KDM4C: variants seen among roughly 807,000 people sequenced by gnomAD.
KDM4C encodes the protein lysine-specific demethylase 4C.
A neutral mutation model predicts 129.3 loss-of-function variants in KDM4C; 81 were observed. The ratio of observed to expected loss-of-function variants is 0.63; its 90% CI spans 0.52 to 0.75. KDM4C has a LOEUF of 0.75. Ranked by LOEUF, KDM4C falls within the 30% of genes least tolerant of loss-of-function variation. The probability of loss-of-function intolerance (pLI) is 0.00; values close to 1 mark genes in which losing one functional copy is unlikely to be tolerated. For missense variants in KDM4C, 1,457 were observed against 1,304.0 expected, an observed-to-expected ratio of 1.12 and a Z score of -1.81; for synonymous variants, 573 against 456.1, an observed-to-expected ratio of 1.26 and a Z score of -3.26.
intron 6 of KDM4C, among the ~76,000 whole-genome samples, chr9:6,885,885 A>G (rs1437544527): frequency 1.8e-4 from 27 of 152,202 alleles, no homozygotes; most frequent in Admixed American, 1.7e-3. Context: ...ACCTTCCTTC[A>G]GTGGTTTTCC....
intron 19 of KDM4C, among the ~76,000 whole-genome samples, chr9:7,158,969 G>T (rs1587925614): frequency 6.6e-6 from 1 of 152,100 alleles, no homozygotes; most frequent in African/African-American, 2.4e-5. Flanking sequence ...TTATTGTGTG[G>T]GAGTCTAAGT....
At chr9:7,173,907 C>G (rs1845200753) in intron 21 of KDM4C, among the ~76,000 whole-genome samples, 1 of 152,134 alleles carries the variant, frequency 6.6e-6, no homozygotes, top group Non-Finnish European at 1.5e-5. Flanking sequence ...GGTGTGGGCA[C>G]AAAGGCCCAG....
intron 8 of KDM4C, chr9:6,941,852 GTC>G (rs201566041): frequency 1.0e-4 from 15 of 143,494 alleles, no homozygotes; most frequent in Middle Eastern, 3.5e-3. Context: ...CTGTGTCTGT[GTC>G]TCTCTCTCTC....
At chr9:6,865,297 A>T (rs559068154) in intron 5 of KDM4C, among the ~76,000 whole-genome samples, 1 of 152,080 alleles carries the variant, frequency 6.6e-6, no homozygotes, top group East Asian at 1.9e-4. Flanking sequence ...CGTGAGCCAA[A>T]GTGCCCCGTC....
chr9:7,074,481 T>G (rs1833640514), intron 17 of KDM4C, among the ~76,000 whole-genome samples: 2 of 152,176 alleles, frequency 1.3e-5, no homozygotes, highest in Admixed American at 1.3e-4. Flanking sequence ...TGAGCAATTT[T>G]TATATAATCT....
intron 8 of KDM4C, among the ~76,000 whole-genome samples, chr9:6,917,885 A>T: frequency 6.6e-6 from 1 of 152,170 alleles, no homozygotes; most frequent in East Asian, 1.9e-4. Context: ...CCCTCTTGCA[A>T]CTTGAAGACC....
chr9:7,157,588 C>G (rs1036460935), intron 19 of KDM4C, among the ~76,000 whole-genome samples: 6 of 152,152 alleles, frequency 3.9e-5, no homozygotes, highest in African/African-American at 1.2e-4. Flanking sequence ...TGTCGAAGGC[C>G]TTTTCTGCAT....
At chr9:6,765,577 T>C (rs756952771) in intron 1 of KDM4C, among the ~76,000 whole-genome samples, 36 of 152,332 alleles carry the variant, frequency 2.4e-4, no homozygotes, top group South Asian at 6.2e-4. Context: ...TATAGCACAC[T>C]GTTCCCTCAC....
At chr9:7,115,745 C>T (rs952285035) in intron 18 of KDM4C, among the ~76,000 whole-genome samples, 1 of 152,202 alleles carries the variant, frequency 6.6e-6, no homozygotes, top group African/African-American at 2.4e-5. Context: ...ATATGATACA[C>T]AAAAGTCTGG....
At chr9:7,059,061 T>G (rs1291842330) in intron 17 of KDM4C, among the ~76,000 whole-genome samples, 5 of 152,156 alleles carry the variant, frequency 3.3e-5, no homozygotes, top group Non-Finnish European at 5.9e-5. Context: ...ATGAGATTAG[T>G]GGTGATATTA....
intron 12 of KDM4C, among the ~76,000 whole-genome samples, chr9:6,998,126 C>T (rs144789413): frequency 1.3e-5 from 2 of 152,206 alleles, no homozygotes; most frequent in Non-Finnish European, 1.5e-5. Context: ...AGCTGTTAAG[C>T]ATCTTTTTGA....
chr9:7,065,794 T>G (rs1832339441), intron 17 of KDM4C, among the ~76,000 whole-genome samples: 1 of 152,312 alleles, frequency 6.6e-6, no homozygotes, highest in East Asian at 1.9e-4. Flanking sequence ...AAGTGTCACT[T>G]GTTGATGCAT....
In KDM4C at chr9:7,128,200, C is replaced by T; in HGVS notation, c.2745C>T (p.Gly915=). Residue 915 remains glycine, a synonymous_variant, in exon 19 of 22, where the codon GGC becomes GGT. Coordinates refer to ENST00000381309, the MANE Select transcript of KDM4C (RefSeq NM_015061.6). ...TCTATGAGGTCATGTTTGATGATGG[C>T]TCCTTTAGCAGAGACACATTTCCTG... ...QTFYEVMFDD[G]SFSRDTFPED... The T allele has an allele frequency of 6.2e-7, 1 of 1,608,242 alleles. No individual in the cohort carries two copies. The highest frequency in any genetic ancestry group is 8.5e-7 in the Non-Finnish European group (1 of 1,177,406).
intron 1 of KDM4C, among the ~76,000 whole-genome samples, chr9:6,742,655 G>A (rs553316866): frequency 7.1e-6 from 1 of 140,778 alleles, no homozygotes; most frequent in African/African-American, 2.7e-5. Context: ...GATTCCTCAG[G>A]CTCCTTTATT....
intron 1 of KDM4C, among the ~76,000 whole-genome samples, chr9:6,737,588 C>G (rs1024199326): frequency 1.4e-5 from 2 of 144,772 alleles, no homozygotes; most frequent in African/African-American, 5.2e-5. Flanking sequence ...CGCTTGAACC[C>G]GAGAGGCAGA....
chr9:7,068,686 C>CTTT (rs542039227), intron 17 of KDM4C, among the ~76,000 whole-genome samples: 87 of 101,758 alleles, frequency 8.5e-4, no homozygotes, highest in African/African-American at 3.1e-3. Flanking sequence ...GATGCCCTTT[C>CTTT]TTTTTTTTTT....
chr9:6,746,898 C>T (rs1161650664), intron 1 of KDM4C, among the ~76,000 whole-genome samples: 1 of 140,156 alleles, frequency 7.1e-6, no homozygotes, highest in East Asian at 2.3e-4. Context: ...CCCAGCTACT[C>T]GGGAGGCTGA....
intron 2 of KDM4C, among the ~76,000 whole-genome samples, chr9:6,799,618 C>T (rs982614715): frequency 4.8e-5 from 7 of 145,758 alleles, no homozygotes; most frequent in Non-Finnish European, 9.0e-5. Context: ...AGACGGGAGA[C>T]GGGAGAGGGC....
chr9:7,126,603 T>G (rs1840046554), intron 18 of KDM4C, among the ~76,000 whole-genome samples: 1 of 152,220 alleles, frequency 6.6e-6, no homozygotes, highest in South Asian at 2.1e-4. Context: ...GGCAAATTGA[T>G]ATACGCATGT....
Sources: allele counts gnomAD v4.1 joint callset (sites outside exome capture counted in the v4.1 genomes callset), GRCh38; gene constraint gnomAD v4.1.1; transcripts MANE v1.5; gene names NCBI Gene and HGNC (gene_info 2026-07-23, HGNC 2026-07-21).